The following PALLD variants were observed in gnomAD, a reference collection of about 807,000 sequenced individuals.
PALLD encodes the protein palladin, cytoskeletal associated protein.
PALLD carries 61 observed loss-of-function variants against 123.5 expected under a neutral mutation model. That is an observed-to-expected ratio of 0.49 (90% CI 0.40 to 0.61). PALLD has a LOEUF of 0.61. Ranked by LOEUF, PALLD falls within the 20% of genes least tolerant of loss-of-function variation. PALLD has a pLI of 0.00. For synonymous variants in PALLD, 465 were observed against 496.4 expected, an observed-to-expected ratio of 0.94 and a Z score of 0.84; for missense variants, 1,273 against 1,377.0, an observed-to-expected ratio of 0.92 and a Z score of 1.20.
At chr4:168,778,392 A>G (rs148864269) in intron 10 of PALLD, among the ~76,000 whole-genome samples, 15 of 152,178 alleles carry the variant, frequency 9.9e-5, no homozygotes, top group African/African-American at 3.4e-4. Flanking sequence ...AACACCTTGT[A>G]TAATCACTAT....
Position 168,661,670 on chromosome 4 carries a change from C to T in PALLD, c.909-6520C>T, listed in dbSNP as rs1453263093. ...CCTTGTTTGTGTGGCAATTACATAGCTATTTAACAGCTGCACTAGAAATTA... is the reference window on the plus strand; with the variant it reads ...CCTTGTTTGTGTGGCAATTACATAGTTATTTAACAGCTGCACTAGAAATTA... On this transcript the variant is annotated intron_variant, in intron 2 of 21. Transcript: ENST00000505667. 2.6e-5 allele frequency among the ~76,000 whole-genome samples: 4 copies of T among 152,168 alleles called. No homozygotes were observed. In the East Asian group the frequency reaches 7.7e-4, roughly 29 times the overall value.
intron 10 of PALLD, among the ~76,000 whole-genome samples, chr4:168,731,662 A>G (rs547239031): frequency 6.6e-6 from 1 of 152,368 alleles, no homozygotes; most frequent in East Asian, 1.9e-4. Context: ...CTTGCAAAAA[A>G]CTGTAAGTGA....
At chr4:168,719,384 A>C (rs980903887) in intron 10 of PALLD, among the ~76,000 whole-genome samples, 2 of 147,912 alleles carry the variant, frequency 1.4e-5, no homozygotes, top group Admixed American at 6.9e-5. Context: ...CAGCCTCCCA[A>C]GTAGCTGGAA....
intron 2 of PALLD, among the ~76,000 whole-genome samples, chr4:168,654,987 G>C (rs1228250782): frequency 1.7e-3 from 1 of 600 alleles, no homozygotes; most frequent in Non-Finnish European, 8.1e-3. Flanking sequence ...ATGGCTACTT[G>C]TGTGTGTGTG....
chr4:168,745,207 A>T (rs1353923762), intron 10 of PALLD, among the ~76,000 whole-genome samples: 1 of 152,240 alleles, frequency 6.6e-6, no homozygotes, highest in Non-Finnish European at 1.5e-5. Context: ...CATGGCACTC[A>T]GTAAGTACCT....
chr4:168,599,568 A>G (rs1015953151), intron 2 of PALLD, among the ~76,000 whole-genome samples: 71 of 152,328 alleles, frequency 4.7e-4, no homozygotes, highest in African/African-American at 1.6e-3. Context: ...TGCAAGTAAT[A>G]ATGGATATCA....
At chr4:168,600,030 C>CGTAT (rs1554048295) in intron 2 of PALLD, among the ~76,000 whole-genome samples, 3 of 144,822 alleles carry the variant, frequency 2.1e-5, no homozygotes, top group African/African-American at 5.3e-5. Flanking sequence ...TGTACACACA[C>CGTAT]ATACATACAT....
Position 168,719,252 on chromosome 4 carries a change from C to CTTTTTT in PALLD, c.1964+7347_1964+7352dup, listed in dbSNP as rs869040811. On this transcript the variant is annotated intron_variant, in intron 10 of 21. Transcript: ENST00000505667. ...CTAAGTAATTATCAAAAGTAATCTTCTTTTTTTTTTTTTTTTTTTTTTTGA... is the reference window on the plus strand; with the variant it reads ...CTAAGTAATTATCAAAAGTAATCTTCTTTTTTTTTTTTTTTTTTTTTTTTTTTTTGA... 8.6e-4 allele frequency among the ~76,000 whole-genome samples: 74 copies of CTTTTTT among 85,700 alleles called. 1 individual carries two copies. Among genetic ancestry groups the CTTTTTT allele is most frequent in the South Asian group, 3.1e-3 (6 of 1,934 alleles). The allele number at this position is 85,700 out of a possible 152,430, so 56.2% of individuals were successfully genotyped here.
intron 10 of PALLD, among the ~76,000 whole-genome samples, chr4:168,811,745 TTCTCTCTCTCTTTC>T (rs1363444679): frequency 7.7e-6 from 1 of 130,446 alleles, no homozygotes; most frequent in African/African-American, 3.1e-5. Context: ...CTGTCTCTCT[TTCTCTCTCTCTTTC>T]TCTCTCTCTC....
At chr4:168,771,062 C>CAAAA (rs762596273) in intron 10 of PALLD, among the ~76,000 whole-genome samples, 10 of 55,184 alleles carry the variant, frequency 1.8e-4, no homozygotes, top group African/African-American at 5.4e-4. Flanking sequence ...GACTCCATCT[C>CAAAA]AAAAAAAAAA....
intron 2 of PALLD, among the ~76,000 whole-genome samples, chr4:168,549,693 G>C (rs1004250653): frequency 3.3e-5 from 5 of 151,496 alleles, no homozygotes; most frequent in Non-Finnish European, 7.4e-5. Context: ...GAGAAACAAA[G>C]ATATCCATCA....
At chr4:168,502,768 A>T (rs1761552659) in intron 1 of PALLD, among the ~76,000 whole-genome samples, 1 of 152,086 alleles carries the variant, frequency 6.6e-6, no homozygotes, top group Non-Finnish European at 1.5e-5. Flanking sequence ...GCCAGGCCTG[A>T]CGATGCACAC....
chr4:168,682,711 C>T (rs992262268), intron 4 of PALLD, among the ~76,000 whole-genome samples: 5 of 152,094 alleles, frequency 3.3e-5, no homozygotes, highest in African/African-American at 9.7e-5. Context: ...TCTTCAACAG[C>T]GTCTCAGTTA....
chr4:168,777,553 T>C (rs1433522647), intron 10 of PALLD, among the ~76,000 whole-genome samples: 2 of 152,164 alleles, frequency 1.3e-5, no homozygotes, highest in Non-Finnish European at 2.9e-5. Context: ...AGACTCAGAA[T>C]ATCAGTAGCA....
chr4:168,503,655 A>T (rs1276522893), intron 1 of PALLD, among the ~76,000 whole-genome samples: 1 of 152,002 alleles, frequency 6.6e-6, no homozygotes, highest in Non-Finnish European at 1.5e-5. Flanking sequence ...TCAAAAAAAA[A>T]AAAAAAGAAA....
chr4:168,711,662 T>G lies in PALLD; in HGVS notation c.1703T>G (p.Ile568Ser), dbSNP rs1475118020. Reference sequence around the variant, plus strand: ...CAACACTTTCCACCTCCCCCTCCAATCTTGGAGACAAGTTCCTTGGAGTTG... The same window carrying G: ...CAACACTTTCCACCTCCCCCTCCAAGCTTGGAGACAAGTTCCTTGGAGTTG... ...HFQHFPPPPP[I>S]LETSSLELAS... The change falls in exon 10 of 22, where the codon ATC becomes AGC. Residue 568 changes from isoleucine (I) to serine (S), a missense_variant. Ile to Ser is a moderately radical substitution (Grantham distance 142). This residue lies in a region of PALLD where 944 missense variants were observed against 954.5 expected (regional missense o/e 0.99). Coordinates refer to ENST00000505667, the MANE Select transcript of PALLD (RefSeq NM_001166108.2). 3 of 1,613,902 alleles carry G rather than the reference T, an allele frequency of 1.9e-6. No individual in the cohort carries two copies.
chr4:168,719,123 G>A (rs549614937), intron 10 of PALLD, among the ~76,000 whole-genome samples: 5 of 151,862 alleles, frequency 3.3e-5, no homozygotes, highest in South Asian at 4.2e-4. Context: ...GGTCAGGCTG[G>A]TCTCAAACTC....
At chr4:168,834,052 A>G (rs56117627) in intron 10 of PALLD, among the ~76,000 whole-genome samples, 18,468 of 150,726 alleles carry the variant, frequency 0.12, 1,188 homozygotes, top group Non-Finnish European at 0.14. Flanking sequence ...CTTTGTCATT[A>G]GAAAAAGGAG....
intron 10 of PALLD, among the ~76,000 whole-genome samples, chr4:168,830,111 T>C (rs1165821986): frequency 6.6e-6 from 1 of 151,472 alleles, no homozygotes; most frequent in Non-Finnish European, 1.5e-5. Flanking sequence ...AGGCGCCTGT[T>C]ATCCCAGCTA....
Sources: allele counts gnomAD v4.1 joint callset (sites outside exome capture counted in the v4.1 genomes callset), GRCh38; gene constraint gnomAD v4.1.1; regional missense constraint gnomAD v4.1.1; transcripts MANE v1.5; gene names NCBI Gene and HGNC (gene_info 2026-07-23, HGNC 2026-07-21).